Variants in NHSL2 observed in about 807,000 individuals in gnomAD.
The protein encoded by NHSL2 is NHS like 2.
In NHSL2, 27 loss-of-function variants were observed where a neutral mutation model predicts 53.4. That is an observed-to-expected ratio of 0.51 (90% CI 0.37 to 0.70). The LOEUF (loss-of-function observed/expected upper bound fraction) is 0.70. Ranked by LOEUF, NHSL2 falls within the 30% of genes least tolerant of loss-of-function variation. The pLI is 0.00. For synonymous variants in NHSL2, 408 were observed against 404.1 expected, an observed-to-expected ratio of 1.01 and a Z score of -0.12; for missense variants, 892 against 980.1, an observed-to-expected ratio of 0.91 and a Z score of 1.20.
intron 1 of NHSL2, among the ~76,000 whole-genome samples, chrX:72,045,811 C>G (rs1387997457): frequency 1.8e-5 from 2 of 112,208 alleles, no homozygotes; most frequent in Non-Finnish European, 3.8e-5. Context: ...AGACCGCATA[C>G]CTATGGCCCG....
At chrX:71,997,976 G>A (rs1174069284) in intron 1 of NHSL2, among the ~76,000 whole-genome samples, 3 of 112,303 alleles carry the variant, frequency 2.7e-5, no homozygotes, top group Non-Finnish European at 5.6e-5. Context: ...TTTCATGCAT[G>A]TTAGTGTTGC....
chrX:72,109,245 A>G (rs1454640880), intron 1 of NHSL2, among the ~76,000 whole-genome samples: 8 of 112,123 alleles, frequency 7.1e-5, no homozygotes, highest in African/African-American at 2.6e-4. Context: ...GCTGTGTGTC[A>G]GGCACTTTAC....
chrX:72,083,372 A>G (rs1285922757), intron 1 of NHSL2, among the ~76,000 whole-genome samples: 2 of 113,019 alleles, frequency 1.8e-5, no homozygotes, highest in East Asian at 5.5e-4. Context: ...TTTAAAGAAC[A>G]TTGAATTACA....
intron 1 of NHSL2, among the ~76,000 whole-genome samples, chrX:71,980,724 G>A (rs1178925689): frequency 9.0e-6 from 1 of 110,947 alleles, no homozygotes; most frequent in Non-Finnish European, 1.9e-5. Flanking sequence ...TGGGCCTGAT[G>A]CAAATCCTAG....
At chrX:72,087,663 A>G (rs2041860756) in intron 1 of NHSL2, among the ~76,000 whole-genome samples, 1 of 109,068 alleles carries the variant, frequency 9.2e-6, no homozygotes. Flanking sequence ...CGAGGTCAGG[A>G]GTTCAAGACC....
At chrX:71,993,233 C>T (rs1309513239) in intron 1 of NHSL2, among the ~76,000 whole-genome samples, 1 of 112,483 alleles carries the variant, frequency 8.9e-6, no homozygotes, top group Non-Finnish European at 1.9e-5. Flanking sequence ...CAGCTACCCC[C>T]AGTGGCCTGG....
chrX:71,942,972 C>CTCTGTGTGTGTGTGTGTGTG (rs1220648470), intron 1 of NHSL2, among the ~76,000 whole-genome samples: 1 of 74,025 alleles, frequency 1.4e-5, no homozygotes, highest in African/African-American at 5.5e-5. Context: ...CTCTCTCTCT[C>CTCTGTGTGTGTGTGTGTGTG]TGTGTGTGTG....
chrX:72,099,360 A>C (rs1357878861), intron 1 of NHSL2, among the ~76,000 whole-genome samples: 1 of 97,638 alleles, frequency 1.0e-5, no homozygotes, highest in Non-Finnish European at 2.0e-5. Flanking sequence ...CTTGTGTAGG[A>C]ATTTTTTTTT....
At chrX:72,091,638 G>A (rs1336704480) in intron 1 of NHSL2, among the ~76,000 whole-genome samples, 1 of 110,844 alleles carries the variant, frequency 9.0e-6, no homozygotes, top group Non-Finnish European at 1.9e-5. Flanking sequence ...GGTGGTGGGG[G>A]TGGGAGTGTG....
At chrX:71,979,363 T>G (rs1292361480) in intron 1 of NHSL2, among the ~76,000 whole-genome samples, 1 of 111,433 alleles carries the variant, frequency 9.0e-6, no homozygotes, top group Non-Finnish European at 1.9e-5. Flanking sequence ...TTGAACTAGT[T>G]TACAGTCCCA....
intron 1 of NHSL2, among the ~76,000 whole-genome samples, chrX:71,943,148 C>T (rs1159322335): frequency 1.8e-5 from 2 of 111,203 alleles, no homozygotes; most frequent in East Asian, 5.6e-4. Flanking sequence ...GAGAGGATCT[C>T]ACTATGTTGC....
intron 1 of NHSL2, among the ~76,000 whole-genome samples, chrX:71,922,385 G>A (rs753908186): frequency 8.9e-6 from 1 of 112,005 alleles, no homozygotes; most frequent in African/African-American, 3.2e-5. Flanking sequence ...GGGGACAAAG[G>A]GAAAGGGAGA....
chrX:71,963,976 T>TATATATATATATATATATATATAC, intron 1 of NHSL2, among the ~76,000 whole-genome samples: 2 of 5,093 alleles, frequency 3.9e-4, no homozygotes, highest in Non-Finnish European at 1.8e-3. Flanking sequence ...TATATATACA[T>TATATATATATATATATATATATAC]ATATATATAT....
At chrX:71,963,974 C>CACATATAT (rs1556312124) in intron 1 of NHSL2, among the ~76,000 whole-genome samples, 1 of 47,968 alleles carries the variant, frequency 2.1e-5, no homozygotes, top group African/African-American at 9.0e-5. Context: ...TATATATATA[C>CACATATAT]ATATATATAT....
chrX:72,131,644 C>T, intron 1 of NHSL2: 4 of 846,832 alleles, frequency 4.7e-6, no homozygotes, highest in Non-Finnish European at 6.5e-6. Flanking sequence ...TCGGGAGGGA[C>T]CGAAGTGCGG....
chrX:71,948,963 G>T (rs1201132063), intron 1 of NHSL2, among the ~76,000 whole-genome samples: 1 of 102,637 alleles, frequency 9.7e-6, no homozygotes, highest in Non-Finnish European at 2.0e-5. Flanking sequence ...TCGCCATGTT[G>T]CCCAGGCTGG....
chrX:72,086,059 C>A (rs770872358), intron 1 of NHSL2, among the ~76,000 whole-genome samples: 1 of 112,054 alleles, frequency 8.9e-6, no homozygotes, highest in African/African-American at 3.2e-5. Flanking sequence ...ACCTAAAGCA[C>A]AGCTTTTCTC....
In NHSL2 at chrX:71,933,052, C is replaced by T. The variant is rs1378531629; in HGVS notation, c.280+21685C>T. 7.1e-5 allele frequency among the ~76,000 whole-genome samples: 8 copies of T among 112,287 alleles called. No homozygotes were observed. The East Asian group carries it at 2.0e-3, about 28-fold the overall frequency. On this transcript the variant is annotated intron_variant, in intron 1 of 7. Coordinates refer to ENST00000633930, the MANE Select transcript of NHSL2 (RefSeq NM_001013627.3). ...TTCTCCCACAGACACCAAGTGTTTC[C>T]CAGCCCTCCACACCTATGCTCCCAG... is the stretch of plus-strand genomic sequence containing the variant.
At chrX:72,120,318 G>A (rs1222711476) in intron 1 of NHSL2, among the ~76,000 whole-genome samples, 1 of 112,372 alleles carries the variant, frequency 8.9e-6, no homozygotes, top group African/African-American at 3.2e-5. Context: ...AGTCATTTAT[G>A]TCTGGGCTTT....
Sources: allele counts gnomAD v4.1 joint callset (sites outside exome capture counted in the v4.1 genomes callset), GRCh38; gene constraint gnomAD v4.1.1; transcripts MANE v1.5; gene names NCBI Gene and HGNC (gene_info 2026-07-23, HGNC 2026-07-21).